The following CNTNAP2 variants were observed in gnomAD, a reference collection of about 807,000 sequenced individuals.
The protein encoded by CNTNAP2 is contactin-associated protein-like 2.
CNTNAP2 carries 98 observed loss-of-function variants against 155.2 expected under a neutral mutation model. The observed-to-expected ratio is 0.63, with a 90% confidence interval of 0.54 to 0.75. CNTNAP2 has a LOEUF of 0.75. CNTNAP2 is among the 30% of genes least tolerant of loss of function. The pLI, the probability that CNTNAP2 is intolerant of heterozygous loss-of-function variation, is 0.00. For synonymous variants in CNTNAP2, 651 were observed against 631.2 expected, an observed-to-expected ratio of 1.03 and a Z score of -0.47; for missense variants, 1,727 against 1,688.1, an observed-to-expected ratio of 1.02 and a Z score of -0.40.
chr7:147,048,566 G>A (rs1214777646), intron 4 of CNTNAP2, among the ~76,000 whole-genome samples: 3 of 152,086 alleles, frequency 2.0e-5, no homozygotes, highest in Non-Finnish European at 4.4e-5. Flanking sequence ...GACAAAAATC[G>A]GCCTGAGCAA....
chr7:146,279,429 A>AACACAC (rs60178387), intron 1 of CNTNAP2, among the ~76,000 whole-genome samples: 1,899 of 144,684 alleles, frequency 0.013, 46 homozygotes, highest in African/African-American at 0.042. Flanking sequence ...CATTTCCTTA[A>AACACAC]ACACACACAC....
intron 8 of CNTNAP2, 111 bp downstream of exon 8, chr7:147,132,620 T>C (rs1801400874): frequency 2.9e-6 from 4 of 1,393,990 alleles, no homozygotes; most frequent in African/African-American, 2.8e-5. Flanking sequence ...TAGGTTTTAA[T>C]TCAGATCTTC....
intron 8 of CNTNAP2, among the ~76,000 whole-genome samples, chr7:147,134,828 T>A (rs541791307): frequency 6.6e-6 from 1 of 152,014 alleles, no homozygotes; most frequent in Admixed American, 6.6e-5. Context: ...CTTATCAGCA[T>A]GAGCATTGAA....
At chr7:147,966,136 C>T (rs1801205717) in intron 14 of CNTNAP2, among the ~76,000 whole-genome samples, 1 of 152,056 alleles carries the variant, frequency 6.6e-6, no homozygotes, top group Non-Finnish European at 1.5e-5. Context: ...ACAGGAATCA[C>T]TTATATGGAT....
intron 3 of CNTNAP2, among the ~76,000 whole-genome samples, chr7:146,935,399 G>T (rs1156729300): frequency 6.6e-6 from 1 of 152,182 alleles, no homozygotes; most frequent in Non-Finnish European, 1.5e-5. Flanking sequence ...GTAGGTGAGA[G>T]ACTTAAATGG....
intron 15 of CNTNAP2, among the ~76,000 whole-genome samples, chr7:147,995,658 C>T (rs148192055): frequency 0.027 from 4,100 of 151,902 alleles, 180 homozygotes; most frequent in African/African-American, 0.092. Flanking sequence ...GGACTACAGG[C>T]GCCCGCCACC....
At chr7:147,292,890 C>T (rs946511547) in intron 8 of CNTNAP2, among the ~76,000 whole-genome samples, 6 of 152,156 alleles carry the variant, frequency 3.9e-5, no homozygotes, top group Admixed American at 1.3e-4. Flanking sequence ...CTGCCTCAGC[C>T]TCTGGAGTAG....
chr7:146,287,061 G>A (rs1220610682), intron 1 of CNTNAP2, among the ~76,000 whole-genome samples: 1 of 152,148 alleles, frequency 6.6e-6, no homozygotes, highest in Non-Finnish European at 1.5e-5. Context: ...TCACCTAAAA[G>A]CAACTGCAAA....
At chr7:146,188,250 G>A (rs12703786) in intron 1 of CNTNAP2, among the ~76,000 whole-genome samples, 43,945 of 151,992 alleles carry the variant, frequency 0.29, 7,197 homozygotes, top group African/African-American at 0.44. Context: ...TCTTCTTGAT[G>A]TGAGTGAGAT....
At chr7:147,816,098 A>C (rs1440656174) in intron 13 of CNTNAP2, among the ~76,000 whole-genome samples, 1 of 152,252 alleles carries the variant, frequency 6.6e-6, no homozygotes, top group Admixed American at 6.5e-5. Context: ...TGTCCCAAGC[A>C]ACAGCATGAG....
intron 1 of CNTNAP2, among the ~76,000 whole-genome samples, chr7:146,293,079 G>C (rs7785353): frequency 1.3e-5 from 2 of 151,826 alleles, no homozygotes; most frequent in Non-Finnish European, 2.9e-5. Flanking sequence ...TTGTATTCAC[G>C]AACTATAACA....
At chr7:146,166,177 T>C (rs987609240) in intron 1 of CNTNAP2, among the ~76,000 whole-genome samples, 4 of 152,170 alleles carry the variant, frequency 2.6e-5, no homozygotes, top group Non-Finnish European at 5.9e-5. Flanking sequence ...CACTGCAACC[T>C]CTGCCTCTTG....
chr7:146,937,414 T>C (rs973391529), intron 3 of CNTNAP2, among the ~76,000 whole-genome samples: 1 of 151,720 alleles, frequency 6.6e-6, no homozygotes, highest in African/African-American at 2.4e-5. Context: ...CTGTTAATAC[T>C]TGTACACTTT....
At chr7:148,328,798 AAAC>A (rs1180410714) in intron 21 of CNTNAP2, among the ~76,000 whole-genome samples, 2 of 98,728 alleles carry the variant, frequency 2.0e-5, no homozygotes, top group Non-Finnish European at 4.3e-5. Flanking sequence ...TGAAATGGTG[AAAC>A]CCCATCTCTA....
intron 1 of CNTNAP2, among the ~76,000 whole-genome samples, chr7:146,312,970 T>C (rs1018902043): frequency 4.3e-4 from 66 of 152,316 alleles, no homozygotes; most frequent in African/African-American, 1.5e-3. Flanking sequence ...TCCTGGATAC[T>C]TATATTGCTT....
chr7:147,166,104 C>G (rs1438472268), intron 8 of CNTNAP2, among the ~76,000 whole-genome samples: 1 of 152,056 alleles, frequency 6.6e-6, no homozygotes, highest in Non-Finnish European at 1.5e-5. Context: ...ACAAAATTCA[C>G]AGTTGCAAAA....
intron 13 of CNTNAP2, among the ~76,000 whole-genome samples, chr7:147,675,257 A>C (rs1001894263): frequency 2.6e-5 from 4 of 152,092 alleles, no homozygotes; most frequent in African/African-American, 7.2e-5. Context: ...TAAGAACACC[A>C]GTCACTTGAC....
At chr7:147,790,479 A>G (rs1797802745) in intron 13 of CNTNAP2, among the ~76,000 whole-genome samples, 1 of 152,044 alleles carries the variant, frequency 6.6e-6, no homozygotes, top group African/African-American at 2.4e-5. Context: ...CAATTGGCTC[A>G]CCTCCCTGCT....
chr7:146,992,302 A>G (rs2129239030), intron 3 of CNTNAP2, among the ~76,000 whole-genome samples: 1 of 152,310 alleles, frequency 6.6e-6, no homozygotes, highest in East Asian at 1.9e-4. Flanking sequence ...GTTTTATGCT[A>G]CATATTTTCC....
Sources: allele counts gnomAD v4.1 joint callset (sites outside exome capture counted in the v4.1 genomes callset), GRCh38; gene constraint gnomAD v4.1.1; transcripts MANE v1.5; gene names NCBI Gene and HGNC (gene_info 2026-07-23, HGNC 2026-07-21).